Variants in CARD10 observed in about 807,000 individuals in gnomAD.
The protein encoded by CARD10 is caspase recruitment domain family member 10, also known as caspase recruitment domain-containing protein 10.
Under a neutral mutation model 114.6 loss-of-function variants are expected in CARD10, and 49 were observed. That is an observed-to-expected ratio of 0.43 (90% CI 0.34 to 0.54). CARD10 has a LOEUF of 0.54. CARD10 is among the 20% of genes least tolerant of loss of function. The probability of loss-of-function intolerance (pLI) is 0.03; values close to 1 mark genes in which losing one functional copy is unlikely to be tolerated. For synonymous variants in CARD10, 602 were observed against 593.2 expected (o/e 1.01, Z -0.21); for missense variants, 1,206 against 1,397.2 (o/e 0.86, Z 2.18).
intron 18 of CARD10, 29 bp from the exon 19 acceptor site, chr22:37,491,896 C>T (rs773913898): frequency 6.0e-6 from 9 of 1,487,658 alleles, no homozygotes; most frequent in Non-Finnish European, 8.4e-6. Flanking sequence ...CTACAATGTA[C>T]TCCTGGGCCA....
chr22:37,507,830 TG>T lies in CARD10; in HGVS notation c.1189del (p.Gln397ArgfsTer38), dbSNP rs780162584. On this transcript the variant is annotated frameshift_variant and splice_region_variant, in exon 6 of 20. Coordinates refer to ENST00000251973, the MANE Select transcript of CARD10 (RefSeq NM_014550.4). LOFTEE classifies it high-confidence loss of function. ...QLEEIEKERDQAIQSRDRIQL... is the reference protein window; with the variant it reads ...QLEEIEKERDXAIQSRDRIQL... ...CTCGTACACGCAGGCTGGGCTCACCTGGTCTCGCTCCTTCTCAATCTCCTCC... is the reference window on the plus strand; with the variant it reads ...CTCGTACACGCAGGCTGGGCTCACCTGTCTCGCTCCTTCTCAATCTCCTCC... 6.2e-7 allele frequency: 1 copy of T among 1,614,106 alleles called. No individual in the cohort carries two copies. The highest frequency in any genetic ancestry group is 8.5e-7 in the Non-Finnish European group (1 of 1,179,968).
At chr22:37,497,202 G>A (rs1361872437) in intron 11 of CARD10, 24 bp from the exon 12 acceptor site, 1 of 1,599,154 alleles carries the variant, frequency 6.3e-7, no homozygotes, top group Non-Finnish European at 8.5e-7. Flanking sequence ...AAGGAGATGA[G>A]AATTGGAGTC....
At chr22:37,518,411 G>C (rs578079232) in intron 1 of CARD10, among the ~76,000 whole-genome samples, 1 of 152,268 alleles carries the variant, frequency 6.6e-6, no homozygotes, top group South Asian at 2.1e-4. Context: ...TCTATCCCCA[G>C]AAGCAAAGAA....
rs1225657598 is a variant in CARD10 at position 37,508,926 on chromosome 22, G to A, written c.910-244C>T. 8.9e-6 allele frequency: 13 copies of A among 1,454,224 alleles called. No individual in the cohort carries two copies. In the East Asian group the frequency reaches 1.0e-4, roughly 11 times the overall value. The allele number at this position is 1,454,224 out of a possible 1,614,324, so 90.1% of individuals were successfully genotyped here. A position where few individuals can be genotyped will look rare whatever the true frequency, so the allele number is the denominator to read the frequency against. On this transcript the variant is annotated intron_variant, in intron 4 of 19. Coordinates refer to ENST00000251973, the MANE Select transcript of CARD10 (RefSeq NM_014550.4). ...CAAGTAAGCTAATAAGCTAAGTGGA[G>A]AAGGGTGTGACTGGACAAGTTCACC...
rs992504141 is a variant in CARD10 at position 37,502,539 on chromosome 22, C to T, written c.1787+63G>A. ...GGGGCGAGGCAATTGCTCCTCCCAC[C>T]TCACTCCTGTTCCCCTCTCAAGCAA... is the stretch of plus-strand genomic sequence containing the variant. On this transcript the variant is annotated intron_variant, in intron 11 of 19. Transcript: ENST00000251973. 11 of 1,558,502 alleles carry T rather than the reference C, an allele frequency of 7.1e-6. No homozygotes were observed. The East Asian group carries it at 2.0e-4, about 29-fold the overall frequency.
At chr22:37,515,860 T>A in intron 3 of CARD10, 113 bp downstream of exon 3, 1 of 816,798 alleles carries the variant, frequency 1.2e-6, no homozygotes, top group Non-Finnish European at 1.9e-6. Flanking sequence ...CTAAAAGGAC[T>A]TATCCACGTC....
intron 11 of CARD10, among the ~76,000 whole-genome samples, chr22:37,497,420 CGT>C: frequency 6.6e-6 from 1 of 152,328 alleles, no homozygotes; most frequent in East Asian, 1.9e-4. Flanking sequence ...GTGGAGCCTG[CGT>C]GCCACAGAGC....
intron 3 of CARD10, chr22:37,514,845 A>G (rs1358131232): frequency 3.3e-5 from 5 of 152,296 alleles, no homozygotes; most frequent in Admixed American, 2.0e-4. Flanking sequence ...TCCTTGGAAC[A>G]ACGCCCTGTG....
rs1179838489 is a variant in CARD10, at chr22:37,501,665, C to T, written c.1787+937G>A. 6.6e-6 allele frequency among the ~76,000 whole-genome samples: 1 copy of T among 152,220 alleles called. No homozygotes were observed. The highest frequency in any genetic ancestry group is 1.9e-4 in the East Asian group (1 of 5,200). On this transcript the variant is annotated intron_variant, in intron 11 of 19. Coordinates refer to ENST00000251973, the MANE Select transcript of CARD10 (RefSeq NM_014550.4). This position sits in a 1 kb window ranked among gnomAD's most constrained non-coding sequence, Gnocchi z 5.4. ...CTGATCAGGTCACTATGAACCCAGACCTGGTACTTCCCAACTGTGGGACCC... is the reference window on the plus strand; with the variant it reads ...CTGATCAGGTCACTATGAACCCAGATCTGGTACTTCCCAACTGTGGGACCC...
chr22:37,502,025 A>C (rs1221393026), intron 11 of CARD10, among the ~76,000 whole-genome samples: 2 of 152,078 alleles, frequency 1.3e-5, no homozygotes, highest in African/African-American at 4.8e-5. Context: ...TCCCTTAGAT[A>C]CACTGGCAGG....
At chr22:37,494,341 C>T (rs533146771) in intron 15 of CARD10, 153 bp from the exon 16 acceptor site, 10 of 608,100 alleles carry the variant, frequency 1.6e-5, no homozygotes, top group Non-Finnish European at 2.3e-5. Flanking sequence ...TCCTTCTCCA[C>T]CAGGCCCTCC....
At chr22:37,502,201 C>A (rs1923240116) in intron 11 of CARD10, among the ~76,000 whole-genome samples, 1 of 152,224 alleles carries the variant, frequency 6.6e-6, no homozygotes, top group African/African-American at 2.4e-5. Context: ...CTGGGTGGCT[C>A]AGTCCCAGGG....
intron 1 of CARD10, 93 bp from the exon 2 acceptor site, chr22:37,518,201 T>G: frequency 7.7e-7 from 1 of 1,300,890 alleles, no homozygotes; most frequent in Non-Finnish European, 1.1e-6. Context: ...CAGGCCCACG[T>G]TCCCCAGATT....
Position 37,508,428 on chromosome 22 carries a change from G to A in CARD10, c.1065+99C>T, listed in dbSNP as rs141449249. The A allele has an allele frequency of 1.9e-5, 24 of 1,273,078 alleles. No individual in the cohort carries two copies. In the African/African-American group the frequency reaches 2.4e-4, roughly 13 times the overall value. The allele number at this position is 1,273,078 out of a possible 1,614,324, so 78.9% of individuals were successfully genotyped here. On this transcript the variant is annotated intron_variant, in intron 5 of 19. Coordinates refer to ENST00000251973, the MANE Select transcript of CARD10 (RefSeq NM_014550.4). Reference sequence around the variant, plus strand: ...AGAACAAATGAATGCAGTTCTCAGCGCGGCGCCTGCGTCAAGCAGATGCTC... The same window carrying A: ...AGAACAAATGAATGCAGTTCTCAGCACGGCGCCTGCGTCAAGCAGATGCTC...
Position 37,504,619 on chromosome 22 carries a change from G to T in CARD10, c.1518+16C>A. The stretch of plus-strand genomic sequence containing the variant: ...AGCAGTGTCCCCCCTTATTTGGGAT[G>T]GGGCAGTTGTCTTACCGAGTTGTGA... On this transcript the variant is annotated intron_variant, in intron 8 of 19. Coordinates refer to ENST00000251973, the MANE Select transcript of CARD10 (RefSeq NM_014550.4). 1.4e-6 allele frequency: 2 copies of T among 1,459,076 alleles called. No homozygotes were observed. The highest frequency in any genetic ancestry group is 1.8e-6 in the Non-Finnish European group (2 of 1,103,908). The allele number at this position is 1,459,076 out of a possible 1,614,324, so 90.4% of individuals were successfully genotyped here.
At position 37,508,512 on chromosome 22, in the gene CARD10, C is replaced by T. The variant is rs994731200; in HGVS notation, c.1065+15G>A. ...ACCCTCCCGCACAAGGGGCAGGGCA[C>T]GGGCAGGGCCCCACCTGGTCGCGCA... On this transcript the variant is annotated intron_variant, in intron 5 of 19. Transcript: ENST00000251973. 16 of 1,577,642 alleles carry T rather than the reference C, an allele frequency of 1.0e-5. No homozygotes were observed. The highest frequency in any genetic ancestry group is 2.7e-5 in the African/African-American group (2 of 74,538).
At chr22:37,498,936 T>C (rs1434606113) in intron 11 of CARD10, among the ~76,000 whole-genome samples, 1 of 138,780 alleles carries the variant, frequency 7.2e-6, no homozygotes, top group East Asian at 2.2e-4. Context: ...TAAAAGATAA[T>C]GCAGGGAGAG....
chr22:37,512,885 G>A (rs969945263), intron 3 of CARD10, among the ~76,000 whole-genome samples: 8 of 152,204 alleles, frequency 5.3e-5, no homozygotes, highest in Non-Finnish European at 1.2e-4. Flanking sequence ...ATGTTGCTTA[G>A]AAATAACAGC....
intron 7 of CARD10, 107 bp from the exon 8 acceptor site, chr22:37,504,876 C>G: frequency 9.4e-6 from 5 of 531,102 alleles, no homozygotes; most frequent in Non-Finnish European, 1.5e-5. Flanking sequence ...AGATCCCTGT[C>G]CTCAGGGAGC....
Sources: gnomAD v4.1 joint callset for allele counts (sites outside exome capture counted in the v4.1 genomes callset) on GRCh38, gnomAD v4.1.1 for gene constraint, Gnocchi (gnomAD v3.1) non-coding constraint, MANE v1.5 for transcripts, NCBI Gene and HGNC (gene_info 2026-07-23, HGNC 2026-07-21) for gene names.